TMEM181: variants seen among roughly 807,000 people sequenced by gnomAD.
The protein encoded by TMEM181 is transmembrane protein 181.
Under a neutral mutation model 71.9 loss-of-function variants are expected in TMEM181, and 39 were observed. That is an observed-to-expected ratio of 0.54 (90% CI 0.42 to 0.71). TMEM181 has a LOEUF of 0.71. TMEM181 is among the 30% of genes least tolerant of loss of function. The pLI is 0.00. For synonymous variants in TMEM181, 245 were observed against 228.8 expected (o/e 1.07, Z -0.64); for missense variants, 595 against 583.0 (o/e 1.02, Z -0.21).
At chr6:158,545,533 T>G (rs976392229) in intron 1 of TMEM181, among the ~76,000 whole-genome samples, 2 of 152,226 alleles carry the variant, frequency 1.3e-5, no homozygotes, top group Admixed American at 1.3e-4. Context: ...CCAGCTGCTG[T>G]GGGATGCAGG....
chr6:158,597,368 C>T (rs1389147752), intron 6 of TMEM181, among the ~76,000 whole-genome samples: 2 of 152,162 alleles, frequency 1.3e-5, no homozygotes, highest in African/African-American at 4.8e-5. Context: ...GTCCAGGATC[C>T]AGGCACTGGC....
chr6:158,546,574 A>G (rs1040010700), intron 1 of TMEM181, among the ~76,000 whole-genome samples: 2 of 152,216 alleles, frequency 1.3e-5, no homozygotes. Flanking sequence ...CATGGATTCC[A>G]TGGGTTCATC....
intron 1 of TMEM181, among the ~76,000 whole-genome samples, chr6:158,565,513 C>A (rs1319340937): frequency 6.6e-6 from 1 of 152,188 alleles, no homozygotes; most frequent in Non-Finnish European, 1.5e-5. Flanking sequence ...GCCAGAGCCA[C>A]AGACAGCAGG....
intron 6 of TMEM181, among the ~76,000 whole-genome samples, chr6:158,602,460 T>C (rs1784720751): frequency 6.6e-6 from 1 of 152,122 alleles, no homozygotes; most frequent in Non-Finnish European, 1.5e-5. Context: ...TTCTGCAGAG[T>C]GGTTGTGTTA....
chr6:158,563,706 G>A (rs144453056), intron 1 of TMEM181, among the ~76,000 whole-genome samples: 195 of 152,352 alleles, frequency 1.3e-3, no homozygotes, highest in African/African-American at 4.4e-3. Context: ...TTGCAATCTG[G>A]AAAGGATACA....
At chr6:158,574,753 C>CCTGT (rs906641510) in intron 2 of TMEM181, among the ~76,000 whole-genome samples, 1 of 152,148 alleles carries the variant, frequency 6.6e-6, no homozygotes, top group African/African-American at 2.4e-5. Context: ...TGCCTGCCTG[C>CCTGT]CTGTCTATCC....
chr6:158,566,740 A>AG (rs1403553990), intron 1 of TMEM181, among the ~76,000 whole-genome samples: 1 of 151,454 alleles, frequency 6.6e-6, no homozygotes, highest in Non-Finnish European at 1.5e-5. Context: ...ACGGTGAGGG[A>AG]GGTGATGGTG....
chr6:158,626,973 CAT>C (rs1258418763), intron 13 of TMEM181, among the ~76,000 whole-genome samples: 3 of 148,380 alleles, frequency 2.0e-5, no homozygotes, highest in East Asian at 4.1e-4. Flanking sequence ...CCCTCTCACA[CAT>C]CATCACTCAC....
chr6:158,582,104 A>C (rs1783518163), intron 3 of TMEM181, among the ~76,000 whole-genome samples: 1 of 152,194 alleles, frequency 6.6e-6, no homozygotes, highest in Non-Finnish European at 1.5e-5. Flanking sequence ...TCTCTTTGCT[A>C]CTGCTAGTTT....
At chr6:158,604,835 A>G (rs1459194238) in intron 6 of TMEM181, among the ~76,000 whole-genome samples, 1 of 152,242 alleles carries the variant, frequency 6.6e-6, no homozygotes, top group Non-Finnish European at 1.5e-5. Context: ...TGTCGGATTT[A>G]TCCATGTAAC....
rs945853675 is a variant in TMEM181 at position 158,608,358 on chromosome 6, G to A, written c.699G>A (p.Leu233=). Residue 233 remains leucine, a synonymous_variant, in exon 9 of 17, where the codon CTG becomes CTA. Coordinates refer to ENST00000684151, the MANE Select transcript of TMEM181 (RefSeq NM_001376852.1). Reference sequence around the variant, plus strand: ...ATCCGTTCTTCCCCCTCTCCTTCCTGGTCAACAGCTGGCTCCCAGGGATGC... The same window carrying A: ...ATCCGTTCTTCCCCCTCTCCTTCCTAGTCAACAGCTGGCTCCCAGGGATGC... ...YNDPFFPLSF[L]VNSWLPGMLD... is the part of the protein sequence containing the mutation. 2 of 1,614,198 alleles carry A rather than the reference G, an allele frequency of 1.2e-6. No individual in the cohort carries two copies. The highest frequency in any genetic ancestry group is 3.3e-5 in the Admixed American group (2 of 60,014).
intron 6 of TMEM181, among the ~76,000 whole-genome samples, chr6:158,595,376 A>G (rs1458867869): frequency 6.6e-6 from 1 of 152,226 alleles, no homozygotes; most frequent in African/African-American, 2.4e-5. Context: ...AAGACAGAAT[A>G]TGCTGAAGCT....
intron 15 of TMEM181, among the ~76,000 whole-genome samples, chr6:158,630,631 C>T (rs746594324): frequency 4.6e-5 from 7 of 151,708 alleles, no homozygotes; most frequent in Middle Eastern, 3.2e-3. Flanking sequence ...TTTGACTTCA[C>T]GATATTTTCA....
chr6:158,579,719 C>G lies in TMEM181; in HGVS notation c.113-1221C>G, dbSNP rs531998099. On this transcript the variant is annotated intron_variant, in intron 2 of 16. Coordinates refer to ENST00000684151, the MANE Select transcript of TMEM181 (RefSeq NM_001376852.1). ...GGGCAACAAGAGTGAAACGCTGTCT[C>G]AAAAAACAAACAAACAAAAAACAAA... 7.2e-4 allele frequency among the ~76,000 whole-genome samples: 109 copies of G among 151,932 alleles called. 2 individuals carry two copies. Among genetic ancestry groups the G allele is most frequent in the Middle Eastern group, 3.4e-3 (1 of 294 alleles).
chr6:158,608,206 A>C, intron 8 of TMEM181, 127 bp from the exon 9 acceptor site: 2 of 661,754 alleles, frequency 3.0e-6, no homozygotes, highest in Non-Finnish European at 4.1e-6. Context: ...GCTGTCTGCC[A>C]GGTGCTGACC....
chr6:158,570,497 T>C lies in TMEM181; in HGVS notation c.9-2923T>C, dbSNP rs552623276. 1.1e-4 allele frequency among the ~76,000 whole-genome samples: 16 copies of C among 152,072 alleles called. No individual in the cohort carries two copies. In the East Asian group the frequency reaches 1.6e-3, roughly 15 times the overall value. On this transcript the variant is annotated intron_variant, in intron 1 of 16. Coordinates refer to ENST00000684151, the MANE Select transcript of TMEM181 (RefSeq NM_001376852.1). ...ACCTCGTGATCCGCCCGCCTTGGCC[T>C]CCCAAAGTGCTGGGATTACAGGCAT... is the stretch of plus-strand genomic sequence containing the variant.
intron 1 of TMEM181, among the ~76,000 whole-genome samples, chr6:158,553,190 G>GAA (rs5881273): frequency 1.0e-3 from 148 of 145,732 alleles, no homozygotes; most frequent in African/African-American, 2.2e-3. Context: ...CCCTGTCTCC[G>GAA]AAAAAAAAAA....
intron 5 of TMEM181, among the ~76,000 whole-genome samples, chr6:158,587,721 TA>T (rs531379211): frequency 6.6e-6 from 1 of 151,316 alleles, no homozygotes; most frequent in Non-Finnish European, 1.5e-5. Flanking sequence ...AAAGCTGAGG[TA>T]CCATCACGTG....
At chr6:158,566,067 A>G (rs543414964) in intron 1 of TMEM181, among the ~76,000 whole-genome samples, 61 of 152,322 alleles carry the variant, frequency 4.0e-4, no homozygotes, top group Middle Eastern at 6.8e-3. Context: ...TTAGTAGAAT[A>G]TCTGAGGTGA....
Sources: allele counts gnomAD v4.1 joint callset (sites outside exome capture counted in the v4.1 genomes callset), GRCh38; gene constraint gnomAD v4.1.1; transcripts MANE v1.5; gene names NCBI Gene and HGNC (gene_info 2026-07-23, HGNC 2026-07-21).